KLRD1: variants seen among roughly 807,000 people sequenced by gnomAD.
The protein encoded by KLRD1 is natural killer cells antigen CD94.
Under a neutral mutation model 22.6 loss-of-function variants are expected in KLRD1, and 21 were observed. The ratio of observed to expected loss-of-function variants is 0.93; its 90% CI spans 0.66 to 1.34. The LOEUF (loss-of-function observed/expected upper bound fraction) is 1.34. Among genes scored for constraint, KLRD1 ranks in the 40% most tolerant of loss-of-function variants. The probability of loss-of-function intolerance (pLI) is 0.00; values close to 1 mark genes in which losing one functional copy is unlikely to be tolerated. For synonymous variants in KLRD1, 59 were observed against 71.1 expected (o/e 0.83, Z 0.85); for missense variants, 183 against 208.6 (o/e 0.88, Z 0.76).
chr12:10,300,534 T>G (rs12318286), upstream of KLRD1, among the ~76,000 whole-genome samples: 112 of 152,308 alleles, frequency 7.4e-4, no homozygotes, highest in East Asian at 6.8e-3. Context: ...CTTTGTTTAT[T>G]CACTTGTAGA....
In KLRD1 at chr12:10,244,237, GA is replaced by G. The variant is rs569594806; in HGVS notation, c.-101+18008del. Among the ~76,000 whole-genome samples the G allele has an allele frequency of 6.7e-5, 10 of 149,416 alleles. No individual in the cohort carries two copies. In the East Asian group the frequency reaches 1.9e-3, roughly 29 times the overall value. On this transcript the variant is annotated intron_variant, in intron 1 of 5. Transcript: ENST00000544747. ...TTGTTGTTGAAACTGGAACATAAAA[GA>G]AAAGAGAGAGAGAGGAAGACAAGCA...
intron 1 of KLRD1, among the ~76,000 whole-genome samples, chr12:10,282,339 C>T (rs1379109361): frequency 1.3e-5 from 2 of 151,834 alleles, no homozygotes; most frequent in African/African-American, 4.8e-5. Flanking sequence ...TCACCACAAC[C>T]TCCGCCTCCC....
intron 1 of KLRD1, among the ~76,000 whole-genome samples, chr12:10,251,802 G>C (rs991585761): frequency 6.6e-6 from 1 of 152,092 alleles, no homozygotes; most frequent in African/African-American, 2.4e-5. Context: ...AACAGGGTTT[G>C]TGCTCCTATG....
chr12:10,275,888 T>G (rs1949587890), intron 1 of KLRD1, among the ~76,000 whole-genome samples: 1 of 152,190 alleles, frequency 6.6e-6, no homozygotes, highest in Non-Finnish European at 1.5e-5. Flanking sequence ...AGATAGATAT[T>G]ACCACACCCC....
At chr12:10,314,632 C>G in intron 5 of KLRD1, 41 bp from the exon 6 acceptor site, 1 of 1,495,594 alleles carries the variant, frequency 6.7e-7, no homozygotes, top group African/African-American at 1.4e-5. Context: ...AACATTCTTA[C>G]TTCCTTTTTG....
At chr12:10,272,958 G>T (rs1949562751) in intron 1 of KLRD1, among the ~76,000 whole-genome samples, 1 of 152,042 alleles carries the variant, frequency 6.6e-6, no homozygotes, top group Admixed American at 6.6e-5. Flanking sequence ...TTGAATGATT[G>T]TAACAGATAC....
At chr12:10,287,259 G>A (rs1949715913) in intron 1 of KLRD1, among the ~76,000 whole-genome samples, 1 of 152,128 alleles carries the variant, frequency 6.6e-6, no homozygotes, top group Non-Finnish European at 1.5e-5. Context: ...GCACAGGTTT[G>A]AAGTTAGACA....
At chr12:10,263,721 A>T (rs748151791) in intron 1 of KLRD1, among the ~76,000 whole-genome samples, 2 of 152,094 alleles carry the variant, frequency 1.3e-5, no homozygotes, top group Non-Finnish European at 2.9e-5. Context: ...ATGTTATTCC[A>T]GCTTGAGTAC....
intron 1 of KLRD1, among the ~76,000 whole-genome samples, chr12:10,240,639 C>A (rs4764342): frequency 0.88 from 133,195 of 151,902 alleles, 59,813 homozygotes; most frequent in Non-Finnish European, 0.98. Flanking sequence ...GTGTGTATCT[C>A]CCATGAGTGA....
At chr12:10,267,416 A>G (rs930087661) in intron 1 of KLRD1, among the ~76,000 whole-genome samples, 12 of 152,154 alleles carry the variant, frequency 7.9e-5, no homozygotes, top group Admixed American at 2.0e-4. Context: ...CAGTTTATTT[A>G]ATAAAAAAAT....
At chr12:10,309,725 A>G in intron 3 of KLRD1, 37 bp downstream of exon 3, 2 of 1,383,194 alleles carry the variant, frequency 1.4e-6, no homozygotes, top group Non-Finnish European at 2.1e-6. Flanking sequence ...GCATTGGTAA[A>G]AGATTAAATA....
At chr12:10,275,373 G>C (rs1263195387) in intron 1 of KLRD1, among the ~76,000 whole-genome samples, 1 of 152,108 alleles carries the variant, frequency 6.6e-6, no homozygotes, top group Admixed American at 6.6e-5. Flanking sequence ...AATTAAGTTT[G>C]TATTTTCTCC....
At chr12:10,273,483 C>A (rs978758897) in intron 1 of KLRD1, among the ~76,000 whole-genome samples, 18 of 152,188 alleles carry the variant, frequency 1.2e-4, no homozygotes, top group African/African-American at 3.9e-4. Flanking sequence ...TTGTTTTTAT[C>A]ATTGAAAGGA....
In KLRD1 at chr12:10,327,646, C is replaced by A. The variant is rs1311847493; in HGVS notation, c.*12853C>A. The A allele has an allele frequency of 6.6e-6, 1 of 152,124 alleles. No individual in the cohort carries two copies. Among genetic ancestry groups the A allele is most frequent in the Non-Finnish European group, 1.5e-5 (1 of 68,008 alleles). The allele number at this position is 152,124 out of a possible 1,614,324, so 9.4% of individuals were successfully genotyped here. On this transcript the variant is annotated 3_prime_UTR_variant, in exon 6 of 6. Transcript: ENST00000336164. Reference sequence around the variant, plus strand: ...AGGGACCATTGTACTTCTTCTTTTACAATCTGTATGTTGTTAATTTCTTTT... The same window carrying A: ...AGGGACCATTGTACTTCTTCTTTTAAAATCTGTATGTTGTTAATTTCTTTT...
At chr12:10,261,146 A>G (rs1187140320) in intron 1 of KLRD1, among the ~76,000 whole-genome samples, 2 of 152,154 alleles carry the variant, frequency 1.3e-5, no homozygotes, top group African/African-American at 2.4e-5. Flanking sequence ...ATTGGAAGAG[A>G]CTTTCTGGTG....
At position 10,327,774 on chromosome 12, in the gene KLRD1, A is replaced by G. The variant is rs1565480180; in HGVS notation, c.*12981A>G. 6.6e-6 allele frequency: 1 copy of G among 152,182 alleles called. No homozygotes were observed. Among genetic ancestry groups the G allele is most frequent in the Non-Finnish European group, 1.5e-5 (1 of 68,014 alleles). 9.4% of individuals were successfully genotyped at this position (152,182 alleles called of 1,614,324 possible). A position where few individuals can be genotyped will look rare whatever the true frequency, so the allele number is the denominator to read the frequency against. On this transcript the variant is annotated 3_prime_UTR_variant, in exon 6 of 6. Transcript: ENST00000336164. The stretch of plus-strand genomic sequence containing the variant: ...TCAGAGGAAAAGTTCAGCTTTTTCC[A>G]TAGCATGATATTAGCTATGCACTTT...
intron 1 of KLRD1, among the ~76,000 whole-genome samples, chr12:10,240,179 G>GC (rs1334886613): frequency 2.0e-5 from 3 of 151,726 alleles, no homozygotes; most frequent in East Asian, 3.9e-4. Flanking sequence ...TCTTACCTCA[G>GC]CCCCCCAAGT....
chr12:10,312,047 TTTTC>T (rs1411085715), intron 4 of KLRD1, among the ~76,000 whole-genome samples: 12 of 129,674 alleles, frequency 9.3e-5, no homozygotes, highest in African/African-American at 2.2e-4. Flanking sequence ...AATTCTTTTC[TTTTC>T]TTTTTTTTTT....
chr12:10,243,922 C>T (rs988831575), intron 1 of KLRD1, among the ~76,000 whole-genome samples: 19 of 152,010 alleles, frequency 1.2e-4, no homozygotes, highest in African/African-American at 4.4e-4. Context: ...TGCAGGTATG[C>T]GGGACTAAAA....
Sources: gnomAD v4.1 joint callset for allele counts (sites outside exome capture counted in the v4.1 genomes callset) on GRCh38, gnomAD v4.1.1 for gene constraint, MANE v1.5 for transcripts, NCBI Gene and HGNC (gene_info 2026-07-23, HGNC 2026-07-21) for gene names.